STK32B: variants seen among roughly 807,000 people sequenced by gnomAD.
STK32B encodes the protein serine/threonine-protein kinase 32B.
Under a neutral mutation model 52.6 loss-of-function variants are expected in STK32B, and 43 were observed. The ratio of observed to expected loss-of-function variants is 0.82; its 90% confidence interval spans 0.64 to 1.05. The LOEUF (loss-of-function observed/expected upper bound fraction) is 1.05. Ranked by LOEUF, STK32B falls within the 50% of genes least tolerant of loss-of-function variation. STK32B has a pLI of 0.00. For synonymous variants in STK32B, 238 were observed against 204.3 expected (o/e 1.17, Z -1.41); for missense variants, 621 against 534.6 (o/e 1.16, Z -1.59).
chr4:5,171,238 T>G lies in STK32B; in HGVS notation c.260+2788T>G, dbSNP rs528671482. Among the ~76,000 whole-genome samples, 570 of 152,238 alleles carry G rather than the reference T, an allele frequency of 3.7e-3. 5 individuals carry two copies. Among genetic ancestry groups the G allele is most frequent in the African/African-American group, 0.012 (505 of 41,536 alleles). On this transcript the variant is annotated intron_variant, in intron 3 of 11. Coordinates refer to ENST00000282908, the MANE Select transcript of STK32B (RefSeq NM_018401.3). ...TGTCAGATGAGTAGGTTGCGAAAAT[T>G]TTCTCCCATTCTGTAGGTTGCCTGT...
chr4:5,079,077 T>C (rs1415007638), intron 1 of STK32B, among the ~76,000 whole-genome samples: 1 of 152,332 alleles, frequency 6.6e-6, no homozygotes, highest in African/African-American at 2.4e-5. Context: ...CCAAACTTTT[T>C]TTAGTAAGCT....
intron 9 of STK32B, among the ~76,000 whole-genome samples, chr4:5,465,706 C>T (rs2109163360): frequency 6.6e-6 from 1 of 152,312 alleles, no homozygotes; most frequent in South Asian, 2.1e-4. Flanking sequence ...GGTTATGAAT[C>T]TCCCTCAGCA....
chr4:5,448,128 C>G (rs1389420701), intron 7 of STK32B, among the ~76,000 whole-genome samples: 1 of 152,288 alleles, frequency 6.6e-6, no homozygotes, highest in Non-Finnish European at 1.5e-5. Flanking sequence ...TTATTTGTCA[C>G]CCTGTAGTTA....
At chr4:5,329,643 G>A (rs545431283) in intron 3 of STK32B, among the ~76,000 whole-genome samples, 21 of 152,336 alleles carry the variant, frequency 1.4e-4, no homozygotes, top group African/African-American at 4.3e-4. Context: ...CCTCCAGGGC[G>A]AAGACAGTTT....
chr4:5,290,103 A>G (rs1012981467), intron 3 of STK32B, among the ~76,000 whole-genome samples: 2 of 152,076 alleles, frequency 1.3e-5, no homozygotes, highest in Non-Finnish European at 2.9e-5. Flanking sequence ...ACAAGTGAGA[A>G]CATGCAGTAT....
intron 3 of STK32B, among the ~76,000 whole-genome samples, chr4:5,204,668 C>T (rs925382820): frequency 4.6e-5 from 7 of 152,006 alleles, no homozygotes; most frequent in Admixed American, 3.9e-4. Context: ...TGGGGTTTCA[C>T]CATATTGGCC....
chr4:5,333,797 C>G (rs934236988), intron 4 of STK32B, among the ~76,000 whole-genome samples: 8 of 152,060 alleles, frequency 5.3e-5, no homozygotes, highest in East Asian at 1.9e-4. Context: ...AGATATGCGG[C>G]TTATTTCTGA....
intron 6 of STK32B, among the ~76,000 whole-genome samples, chr4:5,434,306 C>G (rs1270365051): frequency 6.6e-6 from 1 of 152,074 alleles, no homozygotes; most frequent in Non-Finnish European, 1.5e-5. Context: ...CTTTTATCTA[C>G]TAATTCAATT....
At chr4:5,339,646 G>C (rs1200136534) in intron 4 of STK32B, among the ~76,000 whole-genome samples, 1 of 152,176 alleles carries the variant, frequency 6.6e-6, no homozygotes, top group African/African-American at 2.4e-5. Context: ...CTCGGAAGTG[G>C]AGGAATTATC....
At chr4:5,077,629 C>T (rs1712160059) in intron 1 of STK32B, among the ~76,000 whole-genome samples, 4 of 152,130 alleles carry the variant, frequency 2.6e-5, no homozygotes, top group Admixed American at 2.6e-4. Context: ...AGGTTAGATG[C>T]TCAAAATACC....
At chr4:5,021,558 T>C in the STK32B span, among the ~76,000 whole-genome samples, 1 of 152,140 alleles carries the variant, frequency 6.6e-6, no homozygotes, top group Admixed American at 6.5e-5. Context: ...GGAATGGGCT[T>C]AAATTCAGAG....
intron 3 of STK32B, among the ~76,000 whole-genome samples, chr4:5,170,398 T>C (rs1224409137): frequency 1.3e-5 from 2 of 152,204 alleles, no homozygotes; most frequent in South Asian, 2.1e-4. Flanking sequence ...CTTGTTGGTG[T>C]GCTGCACCCA....
intron 3 of STK32B, among the ~76,000 whole-genome samples, chr4:5,218,460 T>C (rs1723316494): frequency 6.6e-6 from 1 of 152,188 alleles, no homozygotes; most frequent in African/African-American, 2.4e-5. Context: ...AGCTGACTAA[T>C]GGATTGGTTC....
rs765091202 is a variant in STK32B, at chr4:5,140,207, G to A, written c.108+247G>A. 4.0e-6 allele frequency: 6 copies of A among 1,492,982 alleles called. No individual in the cohort carries two copies. The African/African-American group carries it at 8.3e-5, about 21-fold the overall frequency. 92.5% of individuals were successfully genotyped at this position (1,492,982 alleles called of 1,614,324 possible). ...TGGTATTTATTTCAGGATTGCCAAT[G>A]CCGTTTGTTCCTTGAGAATCTAAGT... On this transcript the variant is annotated intron_variant, in intron 2 of 11. Coordinates refer to ENST00000282908, the MANE Select transcript of STK32B (RefSeq NM_018401.3).
intron 3 of STK32B, among the ~76,000 whole-genome samples, chr4:5,296,291 A>G (rs2108889908): frequency 6.6e-6 from 1 of 152,220 alleles, no homozygotes; most frequent in Non-Finnish European, 1.5e-5. Context: ...CTTGGTCTAG[A>G]GCTGAGTTCA....
At chr4:5,346,103 G>A (rs181925341) in intron 4 of STK32B, among the ~76,000 whole-genome samples, 57 of 152,258 alleles carry the variant, frequency 3.7e-4, no homozygotes, top group Middle Eastern at 3.4e-3. Context: ...CTTAACTCCT[G>A]ATATTTTGAC....
At chr4:5,365,252 C>A (rs6824273) in intron 4 of STK32B, among the ~76,000 whole-genome samples, 7,655 of 152,264 alleles carry the variant, frequency 0.05, 299 homozygotes, top group African/African-American at 0.1. Context: ...TATGTTTTCA[C>A]GGAACTTTGG....
Position 5,468,051 on chromosome 4 carries a change from A to T in STK32B, c.1087A>T (p.Ile363Phe). Reference sequence around the variant, plus strand: ...TTTGGAGACTGTCCGGGAGGAATTCATCATATTCAACAGAGAGAAGTAAGT... The same window carrying T: ...TTTGGAGACTGTCCGGGAGGAATTCTTCATATTCAACAGAGAGAAGTAAGT... ...HCLETVREEF[I>F]IFNREKLRRQ... The change falls in exon 11 of 12, where the codon ATC becomes TTC. Residue 363 changes from isoleucine to phenylalanine, a missense_variant. By Grantham distance (21) the Ile-to-Phe change is conservative. Coordinates refer to ENST00000282908, the MANE Select transcript of STK32B (RefSeq NM_018401.3). The T allele has an allele frequency of 6.2e-7, 1 of 1,614,172 alleles. No homozygotes were observed. The highest frequency in any genetic ancestry group is 8.5e-7 in the Non-Finnish European group (1 of 1,179,998).
chr4:5,196,361 G>T lies in STK32B; in HGVS notation c.260+27911G>T, dbSNP rs1233053268. Among the ~76,000 whole-genome samples, 302 of 38,966 alleles carry T rather than the reference G, an allele frequency of 7.8e-3. 3 individuals carry two copies. The highest frequency in any genetic ancestry group is 0.033 in the African/African-American group (273 of 8,298). 25.6% of individuals were successfully genotyped at this position (38,966 alleles called of 152,430 possible). A position where few individuals can be genotyped will look rare whatever the true frequency, so the allele number is the denominator to read the frequency against. ...TTTTTTTTTTTTTTTTTTTTTTTTG[G>T]TGGTGGGGGGCCCACCTCATAGTTT... is the stretch of plus-strand genomic sequence containing the variant. On this transcript the variant is annotated intron_variant, in intron 3 of 11. Coordinates refer to ENST00000282908, the MANE Select transcript of STK32B (RefSeq NM_018401.3).
Sources: gnomAD v4.1 joint callset for allele counts (sites outside exome capture counted in the v4.1 genomes callset) on GRCh38, gnomAD v4.1.1 for gene constraint, MANE v1.5 for transcripts, NCBI Gene and HGNC (gene_info 2026-07-23, HGNC 2026-07-21) for gene names.